The following GPR39 variants were observed in gnomAD, a reference collection of about 807,000 sequenced individuals.
The protein encoded by GPR39 is zinc sensing receptor.
GPR39 carries 23 observed loss-of-function variants against 18.4 expected under a neutral mutation model. The observed-to-expected ratio is 1.25, with a 90% confidence interval of 0.90 to 1.77. The LOEUF (loss-of-function observed/expected upper bound fraction) is 1.77. GPR39 is among the 40% of genes most tolerant of loss of function. The pLI is 0.00. For missense variants in GPR39, 647 were observed against 602.4 expected, an observed-to-expected ratio of 1.07 and a Z score of -0.78; for synonymous variants, 280 against 257.9, an observed-to-expected ratio of 1.09 and a Z score of -0.82.
chr2:132,431,779 G>A (rs1680227525), intron 1 of GPR39, among the ~76,000 whole-genome samples: 1 of 152,194 alleles, frequency 6.6e-6, no homozygotes, highest in Non-Finnish European at 1.5e-5. Context: ...TATCTTAAGT[G>A]GTGGGGATGA....
intron 1 of GPR39, among the ~76,000 whole-genome samples, chr2:132,511,947 A>C (rs1679248757): frequency 6.6e-6 from 1 of 152,152 alleles, no homozygotes; most frequent in Non-Finnish European, 1.5e-5. Context: ...CTCATGGTTG[A>C]CTTCTCATAA....
intron 1 of GPR39, among the ~76,000 whole-genome samples, chr2:132,514,615 A>G (rs1679298600): frequency 6.6e-6 from 1 of 152,226 alleles, no homozygotes; most frequent in African/African-American, 2.4e-5. Flanking sequence ...GGCTCCTTGC[A>G]GGATGTGCCT....
intron 1 of GPR39, among the ~76,000 whole-genome samples, chr2:132,530,587 T>G (rs983940454): frequency 1.3e-5 from 2 of 152,150 alleles, no homozygotes; most frequent in African/African-American, 4.8e-5. Context: ...GAAAAAATGT[T>G]AAGGGCAGCC....
chr2:132,599,401 G>T (rs906727552), intron 1 of GPR39, among the ~76,000 whole-genome samples: 2 of 152,126 alleles, frequency 1.3e-5, no homozygotes, highest in African/African-American at 4.8e-5. Flanking sequence ...TTCTCTCTCC[G>T]TCTGCCTTTG....
intron 1 of GPR39, among the ~76,000 whole-genome samples, chr2:132,426,111 G>A (rs1026193033): frequency 1.3e-5 from 2 of 152,150 alleles, no homozygotes; most frequent in Non-Finnish European, 2.9e-5. Context: ...TAACTTCCAA[G>A]ACAGGTTCAA....
At chr2:132,447,125 G>A (rs149975267) in intron 1 of GPR39, among the ~76,000 whole-genome samples, 251 of 152,250 alleles carry the variant, frequency 1.6e-3, no homozygotes, top group African/African-American at 5.5e-3. Context: ...TGCAGTAACC[G>A]CCAGCCTGGT....
At chr2:132,563,497 G>A (rs1680291217) in intron 1 of GPR39, among the ~76,000 whole-genome samples, 1 of 152,094 alleles carries the variant, frequency 6.6e-6, no homozygotes, top group Admixed American at 6.5e-5. Flanking sequence ...AAAATAAAAT[G>A]AGTATCCTGT....
At chr2:132,506,108 A>G (rs4954335) in intron 1 of GPR39, among the ~76,000 whole-genome samples, 72,062 of 151,780 alleles carry the variant, frequency 0.47, 17,825 homozygotes, top group Non-Finnish European at 0.52. Context: ...GAGTAAGATG[A>G]TATCTTATTG....
At chr2:132,554,684 C>T (rs1680114130) in intron 1 of GPR39, among the ~76,000 whole-genome samples, 2 of 152,118 alleles carry the variant, frequency 1.3e-5, no homozygotes, top group African/African-American at 4.8e-5. Flanking sequence ...GGAGAGGGGG[C>T]AGATTAAAAT....
intron 1 of GPR39, among the ~76,000 whole-genome samples, chr2:132,633,808 T>C (rs1312990528): frequency 1.3e-5 from 2 of 152,062 alleles, no homozygotes; most frequent in African/African-American, 4.8e-5. Context: ...TGGCAGTGGC[T>C]GTAGCAGTGA....
intron 1 of GPR39, among the ~76,000 whole-genome samples, chr2:132,455,030 T>G (rs1442938310): frequency 6.6e-6 from 1 of 152,226 alleles, no homozygotes; most frequent in Non-Finnish European, 1.5e-5. Flanking sequence ...CTTTTTCTAT[T>G]GATTGGAATA....
At chr2:132,548,841 A>T (rs747851425) in intron 1 of GPR39, among the ~76,000 whole-genome samples, 15 of 152,192 alleles carry the variant, frequency 9.9e-5, no homozygotes, top group Non-Finnish European at 2.1e-4. Context: ...TATGCAGTCT[A>T]AATTCTATGC....
At chr2:132,585,576 C>A (rs961244275) in intron 1 of GPR39, among the ~76,000 whole-genome samples, 3 of 152,218 alleles carry the variant, frequency 2.0e-5, no homozygotes, top group Non-Finnish European at 4.4e-5. Flanking sequence ...GCCTGGACTT[C>A]GAACCGCCGG....
intron 1 of GPR39, among the ~76,000 whole-genome samples, chr2:132,630,618 A>G (rs55816779): frequency 0.13 from 20,080 of 152,194 alleles, 1,669 homozygotes; most frequent in Middle Eastern, 0.24. Context: ...CCTGGCTTGT[A>G]TGGAGAATGG....
intron 1 of GPR39, among the ~76,000 whole-genome samples, chr2:132,491,305 G>A (rs549712515): frequency 6.6e-6 from 1 of 152,250 alleles, no homozygotes; most frequent in African/African-American, 2.4e-5. Context: ...TATATTAAAT[G>A]TCTGCCTTGA....
intron 1 of GPR39, among the ~76,000 whole-genome samples, chr2:132,501,100 T>C (rs2104750434): frequency 6.8e-6 from 1 of 147,536 alleles, no homozygotes; most frequent in Non-Finnish European, 1.5e-5. Flanking sequence ...AGTTCTACTC[T>C]GATCTTTGTT....
At chr2:132,564,810 CTTTTTTTTTTT>C (rs948881403) in intron 1 of GPR39, among the ~76,000 whole-genome samples, 2 of 95,440 alleles carry the variant, frequency 2.1e-5, no homozygotes, top group Admixed American at 2.9e-4. Context: ...TTTCTTTTTT[CTTTTTTTTTTT>C]TTTTTTTTTT....
rs1681701836 is a variant in GPR39 at position 132,499,040 on chromosome 2, T to C, written c.856+81142T>C. Among the ~76,000 whole-genome samples the C allele has an allele frequency of 2.6e-5, 4 of 152,264 alleles. No individual in the cohort carries two copies. In the South Asian group the frequency reaches 8.3e-4, roughly 32 times the overall value. On this transcript the variant is annotated intron_variant, in intron 1 of 1. Transcript: ENST00000329321. The stretch of plus-strand genomic sequence containing the variant: ...TAACTCTGCTGCTTATTTCTTTTGC[T>C]GAGCAGAACTTTTTAGTTTAATTAA...
rs575930700 is a variant in GPR39 at position 132,616,895 on chromosome 2, C to T, written c.857-28206C>T. Among the ~76,000 whole-genome samples the T allele has an allele frequency of 5.7e-4, 87 of 152,328 alleles. No homozygotes were observed. The South Asian group carries it at 7.9e-3, about 14-fold the overall frequency. Reference sequence around the variant, plus strand: ...TTTCTTTCTCTCAATGCCCCGCTCCCGCCACGGTCCCTACTGTTGAGCTGG... The same window carrying T: ...TTTCTTTCTCTCAATGCCCCGCTCCTGCCACGGTCCCTACTGTTGAGCTGG... On this transcript the variant is annotated intron_variant, in intron 1 of 1. Coordinates refer to ENST00000329321, the MANE Select transcript of GPR39 (RefSeq NM_001508.3).
Sources: gnomAD v4.1 joint callset for allele counts (sites outside exome capture counted in the v4.1 genomes callset) on GRCh38, gnomAD v4.1.1 for gene constraint, MANE v1.5 for transcripts, NCBI Gene and HGNC (gene_info 2026-07-23, HGNC 2026-07-21) for gene names.